Variants in NUAK1 observed in about 807,000 individuals in gnomAD.
NUAK1 encodes the protein NUAK family SNF1-like kinase 1.
Under a neutral mutation model 56.9 loss-of-function variants are expected in NUAK1, and 26 were observed. The observed-to-expected ratio is 0.46, with a 90% CI of 0.33 to 0.63. NUAK1 has a LOEUF of 0.63. Among genes scored for constraint, NUAK1 ranks in the 30% least tolerant of loss-of-function variants. The pLI is 0.02. For synonymous variants in NUAK1, 337 were observed against 336.0 expected, an observed-to-expected ratio of 1.00 and a Z score of -0.03; for missense variants, 727 against 876.1, an observed-to-expected ratio of 0.83 and a Z score of 2.15.
rs1592861968 is a variant in NUAK1 at position 106,121,764 on chromosome 12, T to G, written c.241-15239A>C. The stretch of plus-strand genomic sequence containing the variant: ...GACCCTGTCTCGGGAAAAAAAAAGG[T>G]GGGGGGGTGTGGGGAGGGAGGAACA... On this transcript the variant is annotated intron_variant, in intron 1 of 6. Transcript: ENST00000261402. 6.2e-5 allele frequency among the ~76,000 whole-genome samples: 9 copies of G among 145,200 alleles called. No homozygotes were observed. In the South Asian group the frequency reaches 6.9e-4, roughly 11 times the overall value.
intron 1 of NUAK1, among the ~76,000 whole-genome samples, chr12:106,124,248 C>T (rs975105666): frequency 1.3e-5 from 2 of 152,312 alleles, no homozygotes; most frequent in East Asian, 3.9e-4. Context: ...ATCCCAATCT[C>T]AACTGTTCTT....
intron 4 of NUAK1, among the ~76,000 whole-genome samples, chr12:106,078,527 G>T (rs2032485173): frequency 6.6e-6 from 1 of 152,188 alleles, no homozygotes; most frequent in Non-Finnish European, 1.5e-5. Context: ...CGGGAAGACA[G>T]CAATTCCATC....
chr12:106,100,074 T>C (rs1161742061), intron 2 of NUAK1, among the ~76,000 whole-genome samples: 2 of 143,700 alleles, frequency 1.4e-5, no homozygotes, highest in Non-Finnish European at 1.5e-5. Flanking sequence ...AGCTCAAGAG[T>C]TCGAGACCAG....
chr12:106,094,414 G>A lies in NUAK1; in HGVS notation c.362-7529C>T, dbSNP rs189106123. ...TTGAAAGACTGTCTGCAAACCAGTT[G>A]AGTCATTTAGTCAATACAAGACTCA... On this transcript the variant is annotated intron_variant, in intron 2 of 6. Transcript: ENST00000261402. 2.0e-4 allele frequency among the ~76,000 whole-genome samples: 30 copies of A among 152,262 alleles called. No homozygotes were observed. In the East Asian group the frequency reaches 5.8e-3, roughly 29 times the overall value.
At chr12:106,090,262 C>T (rs1323524971) in intron 2 of NUAK1, among the ~76,000 whole-genome samples, 2 of 152,144 alleles carry the variant, frequency 1.3e-5, no homozygotes, top group African/African-American at 4.8e-5. Context: ...CCCAGTCCCC[C>T]ATAGGAAGAA....
intron 1 of NUAK1, among the ~76,000 whole-genome samples, chr12:106,120,777 C>G (rs2032966288): frequency 6.6e-6 from 1 of 152,182 alleles, no homozygotes; most frequent in Non-Finnish European, 1.5e-5. Flanking sequence ...CGGCCCAGGT[C>G]CAGTGCAATG....
rs370074690 is a variant in NUAK1 at position 106,078,922 on chromosome 12, G to A, written c.579+4942C>T. Among the ~76,000 whole-genome samples the A allele has an allele frequency of 3.9e-5, 6 of 152,294 alleles. No individual in the cohort carries two copies. The South Asian group carries it at 6.2e-4, about 16-fold the overall frequency. On this transcript the variant is annotated intron_variant, in intron 4 of 6. Coordinates refer to ENST00000261402, the MANE Select transcript of NUAK1 (RefSeq NM_014840.3). Reference sequence around the variant, plus strand: ...TGGAGAGTCTCTCGCAGTGATAGCTGTCTGCAAGCCTGCCTGCAGACAAGG... The same window carrying A: ...TGGAGAGTCTCTCGCAGTGATAGCTATCTGCAAGCCTGCCTGCAGACAAGG...
chr12:106,138,817 C>T lies in NUAK1; in HGVS notation c.-164G>A. On this transcript the variant is annotated 5_prime_UTR_variant, in exon 1 of 7. Transcript: ENST00000261402. This position sits in a 1 kb window ranked among gnomAD's most constrained non-coding sequence, Gnocchi z 5.0. ...ACTGCGGCTCGGTCACTGGCGGCGG[C>T]GGGGACTGCACATCTGGCGCCCGCG... 3 of 984,562 alleles carry T rather than the reference C, an allele frequency of 3.0e-6. No homozygotes were observed. The highest frequency in any genetic ancestry group is 4.1e-6 in the Non-Finnish European group (3 of 731,592). 61.0% of individuals were successfully genotyped at this position (984,562 alleles called of 1,614,324 possible). A position where few individuals can be genotyped will look rare whatever the true frequency, so the allele number is the denominator to read the frequency against.
At chr12:106,129,984 T>C (rs1305310721) in intron 1 of NUAK1, among the ~76,000 whole-genome samples, 1 of 152,022 alleles carries the variant, frequency 6.6e-6, no homozygotes, top group African/African-American at 2.4e-5. Context: ...TTCCTTTTTT[T>C]TTTCTCTCTC....
chr12:106,100,016 T>C (rs1373010745), intron 2 of NUAK1, among the ~76,000 whole-genome samples: 5 of 139,052 alleles, frequency 3.6e-5, no homozygotes, highest in Admixed American at 2.8e-4. Flanking sequence ...GGTCTCGAAC[T>C]TTTGAGCTCA....
At chr12:106,129,389 C>T (rs75392519) in intron 1 of NUAK1, among the ~76,000 whole-genome samples, 3,618 of 152,332 alleles carry the variant, frequency 0.024, 136 homozygotes, top group African/African-American at 0.083. Context: ...CACTAGATGC[C>T]TAGCACTGGG....
At chr12:106,128,613 C>G (rs1484816790) in intron 1 of NUAK1, among the ~76,000 whole-genome samples, 1 of 152,162 alleles carries the variant, frequency 6.6e-6, no homozygotes, top group African/African-American at 2.4e-5. Flanking sequence ...CTTTGTGGCC[C>G]GTGAGCCTGA....
chr12:106,108,827 C>T (rs1370356257), intron 1 of NUAK1, among the ~76,000 whole-genome samples: 2 of 152,140 alleles, frequency 1.3e-5, no homozygotes, highest in African/African-American at 4.8e-5. Context: ...GGCCCACTTG[C>T]TGATTCCCCC....
chr12:106,069,204 T>C (rs886459439), intron 6 of NUAK1, among the ~76,000 whole-genome samples: 4 of 152,198 alleles, frequency 2.6e-5, no homozygotes, highest in Non-Finnish European at 5.9e-5. Flanking sequence ...TCGCAGCTCT[T>C]TTGCAGTCAT....
intron 1 of NUAK1, among the ~76,000 whole-genome samples, chr12:106,118,443 T>C (rs184453530): frequency 6.6e-6 from 1 of 152,334 alleles, no homozygotes; most frequent in African/African-American, 2.4e-5. Flanking sequence ...TTGTGATGCT[T>C]CCTTTCTCTG....
chr12:106,074,586 T>C (rs2032441723), intron 4 of NUAK1, among the ~76,000 whole-genome samples: 1 of 152,122 alleles, frequency 6.6e-6, no homozygotes, highest in South Asian at 2.1e-4. Flanking sequence ...CACCTGTATA[T>C]TTCACTCCAC....
At chr12:106,104,067 CTT>C (rs67587816) in intron 2 of NUAK1, 57 of 143,414 alleles carry the variant, frequency 4.0e-4, no homozygotes, top group Admixed American at 4.2e-4. Flanking sequence ...TGTATTGCTT[CTT>C]TTTTTTTTTT....
At chr12:106,112,381 T>C (rs2032869566) in intron 1 of NUAK1, among the ~76,000 whole-genome samples, 1 of 151,870 alleles carries the variant, frequency 6.6e-6, no homozygotes, top group Non-Finnish European at 1.5e-5. Flanking sequence ...TGTAAAGTGC[T>C]CCTGCTCTTG....
chr12:106,101,651 G>T (rs2032749123), intron 2 of NUAK1, among the ~76,000 whole-genome samples: 1 of 152,184 alleles, frequency 6.6e-6, no homozygotes, highest in African/African-American at 2.4e-5. Flanking sequence ...TGTTGCTTAA[G>T]TCACCAGTCT....
Sources: gnomAD v4.1 joint callset for allele counts (sites outside exome capture counted in the v4.1 genomes callset) on GRCh38, gnomAD v4.1.1 for gene constraint, Gnocchi (gnomAD v3.1) non-coding constraint, MANE v1.5 for transcripts, NCBI Gene and HGNC (gene_info 2026-07-23, HGNC 2026-07-21) for gene names.